KATNB1: variants seen among roughly 807,000 people sequenced by gnomAD.
KATNB1 encodes the protein katanin regulatory subunit B1.
KATNB1 carries 38 observed loss-of-function variants against 82.3 expected under a neutral mutation model. The ratio of observed to expected loss-of-function variants is 0.46; its 90% CI spans 0.36 to 0.61. The LOEUF is 0.61. Ranked by LOEUF, KATNB1 falls within the 20% of genes least tolerant of loss-of-function variation. The pLI is 0.00. For synonymous variants in KATNB1, 361 were observed against 368.7 expected, an observed-to-expected ratio of 0.98 and a Z score of 0.24; for missense variants, 749 against 915.7, an observed-to-expected ratio of 0.82 and a Z score of 2.35.
Position 57,744,493 on chromosome 16 carries a change from G to A in KATNB1, c.271G>A (p.Asp91Asn). The stretch of plus-strand genomic sequence containing the variant: ...TCAGTCGGGCTCCATCCGTGTCTGG[G>A]ACCTGGAAGCTGCCAAAAGTAGGCC... ...GSQSGSIRVW[D>N]LEAAKILRTL... The change falls in exon 4 of 20, where the codon GAC (aspartate) becomes AAC (asparagine). Residue 91 changes from aspartate (D) to asparagine (N), a missense_variant. Transcript: ENST00000379661. 1 of 1,614,014 alleles carries A rather than the reference G, an allele frequency of 6.2e-7. No individual in the cohort carries two copies. Among genetic ancestry groups the A allele is most frequent in the Non-Finnish European group, 8.5e-7 (1 of 1,179,998 alleles).
intron 19 of KATNB1, 100 bp from the exon 20 acceptor site, chr16:57,756,714 T>C (rs2049291055): frequency 7.0e-7 from 1 of 1,432,670 alleles, no homozygotes; most frequent in Non-Finnish European, 9.2e-7. Flanking sequence ...CGCCTTCCCT[T>C]GGGAGGAAGG....
Position 57,752,571 on chromosome 16 carries a change from G to T in KATNB1, c.674G>T (p.Ser225Ile). The T allele has an allele frequency of 6.4e-7, 1 of 1,570,296 alleles. No individual in the cohort carries two copies. The highest frequency in any genetic ancestry group is 8.6e-7 in the Non-Finnish European group (1 of 1,157,734). The change falls in exon 9 of 20, where the codon AGC becomes ATC. Residue 225 changes from serine to isoleucine, a missense_variant. By Grantham distance (142) the Ser-to-Ile change is moderately radical. Transcript: ENST00000379661. ...GACCTGGAGAAGTTCCAGGTGGTGA[G>T]CTGCATCGAAGGGGAGCCTGGGCCC... is the stretch of plus-strand genomic sequence containing the variant. ...FWDLEKFQVV[S>I]CIEGEPGPVR... is the part of the protein sequence containing the mutation.
chr16:57,747,028 C>T (rs916336624), intron 4 of KATNB1, among the ~76,000 whole-genome samples: 7 of 151,918 alleles, frequency 4.6e-5, no homozygotes, highest in Admixed American at 6.6e-5. Context: ...ACTACAGGCA[C>T]GGACCACCAT....
intron 4 of KATNB1, among the ~76,000 whole-genome samples, chr16:57,747,304 A>C (rs1555581685): frequency 6.6e-6 from 1 of 152,206 alleles, no homozygotes; most frequent in East Asian, 1.9e-4. Flanking sequence ...TTTCCAGAAG[A>C]GAGCCCCTCT....
intron 2 of KATNB1, among the ~76,000 whole-genome samples, chr16:57,740,369 C>G (rs1354795455): frequency 6.6e-6 from 1 of 152,180 alleles, no homozygotes. Flanking sequence ...CCTTGGAGCC[C>G]AGGTTTCTGG....
At chr16:57,744,775 ACG>A (rs1491312724) in intron 4 of KATNB1, among the ~76,000 whole-genome samples, 1 of 81,040 alleles carries the variant, frequency 1.2e-5, no homozygotes, top group Non-Finnish European at 2.7e-5. Flanking sequence ...GTCTGCGGGC[ACG>A]TGTGTGTGTG....
intron 19 of KATNB1, 84 bp from the exon 20 acceptor site, chr16:57,756,730 A>C (rs1254837670): frequency 6.9e-7 from 1 of 1,454,318 alleles, no homozygotes; most frequent in Non-Finnish European, 9.1e-7. Context: ...GAAGGGCTGG[A>C]GCAGTTAGGA....
chr16:57,747,739 GC>G (rs562311211), intron 4 of KATNB1, among the ~76,000 whole-genome samples: 97 of 152,342 alleles, frequency 6.4e-4, no homozygotes, highest in African/African-American at 2.2e-3. Flanking sequence ...CTGAATCCCA[GC>G]GCGTGGGCAC....
At chr16:57,737,392 T>C in intron 2 of KATNB1, 109 bp downstream of exon 2, 1 of 1,239,754 alleles carries the variant, frequency 8.1e-7, no homozygotes, top group Non-Finnish European at 1.2e-6. Context: ...AGGAGGAGAC[T>C]CCTAGACTTG....
chr16:57,738,835 A>C (rs1205333217), intron 2 of KATNB1, among the ~76,000 whole-genome samples: 1 of 152,184 alleles, frequency 6.6e-6, no homozygotes, highest in Non-Finnish European at 1.5e-5. Flanking sequence ...CAAAGTAGTC[A>C]AGGTCTCTGT....
intron 2 of KATNB1, 74 bp downstream of exon 2, chr16:57,737,357 C>G (rs760414407): frequency 6.5e-7 from 1 of 1,548,290 alleles, no homozygotes; most frequent in African/African-American, 1.4e-5. Flanking sequence ...CCTGAACCCA[C>G]AGCTTTGTTT....
At chr16:57,746,113 G>A (rs1444150731) in intron 4 of KATNB1, among the ~76,000 whole-genome samples, 1 of 152,134 alleles carries the variant, frequency 6.6e-6, no homozygotes, top group Non-Finnish European at 1.5e-5. Context: ...GCATAGTTTT[G>A]GAGAACTTCC....
chr16:57,744,338 C>A (rs1156664222), intron 3 of KATNB1, 56 bp from the exon 4 acceptor site: 4 of 1,437,068 alleles, frequency 2.8e-6, no homozygotes, highest in Admixed American at 3.4e-5. Flanking sequence ...GAATTCAGGG[C>A]GCAACTGCAG....
At chr16:57,741,202 G>T (rs142762565) in intron 2 of KATNB1, among the ~76,000 whole-genome samples, 2 of 152,308 alleles carry the variant, frequency 1.3e-5, no homozygotes, top group African/African-American at 4.8e-5. Flanking sequence ...CCAAAGCAGG[G>T]TTTGTATGTA....
At chr16:57,756,662 C>T in intron 19 of KATNB1, 152 bp from the exon 20 acceptor site, 13 of 1,341,446 alleles carry the variant, frequency 9.7e-6, no homozygotes, top group Non-Finnish European at 1.3e-5. Context: ...TGGCTGTGCC[C>T]ACAATCCCTG....
chr16:57,751,420 A>C lies in KATNB1; in HGVS notation c.432+118A>C. On this transcript the variant is annotated intron_variant, in intron 6 of 19. Coordinates refer to ENST00000379661, the MANE Select transcript of KATNB1 (RefSeq NM_005886.3). This position sits in a 1 kb window ranked among gnomAD's most constrained non-coding sequence, Gnocchi z 6.3. ...GCTGTCCCACATGGGTGATAACATAAAACATAGACCTGGAGCTGAGCAGGA... is the reference window on the plus strand; with the variant it reads ...GCTGTCCCACATGGGTGATAACATACAACATAGACCTGGAGCTGAGCAGGA... The C allele has an allele frequency of 8.8e-7, 1 of 1,130,358 alleles. No individual in the cohort carries two copies. The highest frequency in any genetic ancestry group is 1.3e-6 in the Non-Finnish European group (1 of 748,636). The allele number at this position is 1,130,358 out of a possible 1,614,324, so 70.0% of individuals were successfully genotyped here.
At position 57,751,147 on chromosome 16, in the gene KATNB1, AGTAAC is replaced by A; in HGVS notation, c.391-112_391-108del. The A allele has an allele frequency of 9.8e-7, 1 of 1,022,724 alleles. No individual in the cohort carries two copies. The highest frequency in any genetic ancestry group is 2.1e-4 in the Middle Eastern group (1 of 4,814). 63.4% of individuals were successfully genotyped at this position (1,022,724 alleles called of 1,614,324 possible). A position where few individuals can be genotyped will look rare whatever the true frequency, so the allele number is the denominator to read the frequency against. On this transcript the variant is annotated intron_variant, in intron 5 of 19. Transcript: ENST00000379661. The surrounding 1 kb of genome is among the most constrained non-coding windows in gnomAD (Gnocchi z 6.3). The stretch of plus-strand genomic sequence containing the variant: ...AGTTTCTGTCCTTGTCTCCGTGGGG[AGTAAC>A]GACCTAGAGAAGGCTGGGCCCCACC...
intron 1 of KATNB1, chr16:57,736,743 C>G (rs1434665172): frequency 3.2e-6 from 1 of 310,852 alleles, no homozygotes; most frequent in Non-Finnish European, 6.4e-6. Flanking sequence ...CATCCCGGAA[C>G]AGAGCTGCAG....
chr16:57,744,362 A>G (rs782172217), intron 3 of KATNB1, 32 bp from the exon 4 acceptor site: 3 of 1,558,010 alleles, frequency 1.9e-6, no homozygotes, highest in Non-Finnish European at 2.6e-6. Context: ...TCTGTCCAGC[A>G]GTGCACGGAA....
Sources: allele counts gnomAD v4.1 joint callset (sites outside exome capture counted in the v4.1 genomes callset), GRCh38; gene constraint gnomAD v4.1.1; non-coding constraint Gnocchi (gnomAD v3.1); transcripts MANE v1.5; gene names NCBI Gene and HGNC (gene_info 2026-07-23, HGNC 2026-07-21).